ZNF473: variants seen among roughly 807,000 people sequenced by gnomAD.
ZNF473 encodes zinc finger protein 473.
Under a neutral mutation model 11.1 loss-of-function variants are expected in ZNF473, and 4 were observed. The observed-to-expected ratio is 0.36, with a 90% CI of 0.18 to 0.82. The LOEUF is 0.82. Ranked by LOEUF, ZNF473 falls within the 40% of genes least tolerant of loss-of-function variation. ZNF473 has a pLI of 0.49. For missense variants in ZNF473, 854 were observed against 1,084.0 expected (o/e 0.79, Z 2.98); for synonymous variants, 404 against 390.4 (o/e 1.03, Z -0.41).
At chr19:50,042,686 C>T (rs1446288202) in intron 4 of ZNF473, 1 of 152,222 alleles carries the variant, frequency 6.6e-6, no homozygotes, top group African/African-American at 2.4e-5. Flanking sequence ...TGCATAGTTA[C>T]CACATAAGCG....
At chr19:50,029,514 T>A (rs890061611) in intron 1 of ZNF473, among the ~76,000 whole-genome samples, 1 of 152,258 alleles carries the variant, frequency 6.6e-6, no homozygotes, top group Non-Finnish European at 1.5e-5. Flanking sequence ...AAAGTTGAAT[T>A]TCAAAGCACA....
At position 50,046,997 on chromosome 19, in the gene ZNF473, C is replaced by T. The variant is rs1031592392; in HGVS notation, c.2554C>T (p.Arg852Trp). ...GTGTCAACGTTGCCAGAAAGCCTTT[C>T]GGTGCCACTCGAGCCTCAGCCGCCA... ...YQCQRCQKAF[R>W]CHSSLSRHQR... is the part of the protein sequence containing the mutation. The change falls in exon 5 of 5, where the codon CGG (arginine) becomes TGG (tryptophan). Residue 852 changes from arginine (R) to tryptophan (W), a missense_variant. Physicochemically the swap from Arg to Trp is moderately radical, Grantham distance 101 (BLOSUM62 -3). Transcript: ENST00000270617. This position sits in a 1 kb window ranked among gnomAD's most constrained non-coding sequence, Gnocchi z 5.9. 1.8e-5 allele frequency: 29 copies of T among 1,613,796 alleles called. No homozygotes were observed. The highest frequency in any genetic ancestry group is 2.4e-5 in the Non-Finnish European group (28 of 1,180,032).
intron 1 of ZNF473, among the ~76,000 whole-genome samples, chr19:50,028,691 T>G (rs2077300921): frequency 6.6e-6 from 1 of 152,092 alleles, no homozygotes; most frequent in South Asian, 2.1e-4. Context: ...TGTTGCCAAA[T>G]CCTAGGATGT....
intron 2 of ZNF473, among the ~76,000 whole-genome samples, chr19:50,037,171 T>G (rs1337015891): frequency 1.3e-5 from 2 of 152,188 alleles, no homozygotes; most frequent in Non-Finnish European, 1.5e-5. Flanking sequence ...GCTCTTCCTG[T>G]GTGCTAAGTA....
chr19:50,046,175 A>T lies in ZNF473; in HGVS notation c.1732A>T (p.Thr578Ser). ...AACCTTTAGCTGCAGCAAATACCTA[A>T]CTCAGCACGAGAGGATTCACACCAG... is the stretch of plus-strand genomic sequence containing the variant. ...EKTFSCSKYL[T>S]QHERIHTRGV... is the part of the protein sequence containing the mutation. Residue 578 changes from threonine (T) to serine (S), a missense_variant, in exon 5 of 5, where the codon ACT becomes TCT. Thr to Ser is a moderately conservative substitution (Grantham distance 58). Transcript: ENST00000270617. This position sits in a 1 kb window ranked among gnomAD's most constrained non-coding sequence, Gnocchi z 5.9. 6.2e-7 allele frequency: 1 copy of T among 1,614,086 alleles called. No individual in the cohort carries two copies. The highest frequency in any genetic ancestry group is 1.1e-5 in the South Asian group (1 of 91,082).
chr19:50,028,459 A>C (rs1285003959), intron 1 of ZNF473, among the ~76,000 whole-genome samples: 5 of 151,784 alleles, frequency 3.3e-5, no homozygotes, highest in Non-Finnish European at 7.4e-5. Flanking sequence ...CTCCTACCTC[A>C]GTCTCCCAAG....
In ZNF473 at chr19:50,031,027, G is replaced by T; in HGVS notation, c.-56G>T. Reference sequence around the variant, plus strand: ...TGCTTCCCACAGCCCTGCCAGCCGGGAACACGGAGGGGAAGGAGGAGGAGC... The same window carrying T: ...TGCTTCCCACAGCCCTGCCAGCCGGTAACACGGAGGGGAAGGAGGAGGAGC... On this transcript the variant is annotated 5_prime_UTR_variant, in exon 2 of 5. The change creates a premature stop within an existing upstream ORF in the 5' untranslated region. Transcript: ENST00000270617. 1 of 1,555,642 alleles carries T rather than the reference G, an allele frequency of 6.4e-7. No homozygotes were observed.
Position 50,041,638 on chromosome 19 carries a change from T to C in ZNF473, c.137-92T>C, listed in dbSNP as rs565133592. On this transcript the variant is annotated intron_variant, in intron 3 of 4. Transcript: ENST00000270617. ...CAGGAGCCACGTGCAGGATAAAGCA[T>C]AGAAAAGTCAGGAGAGCCAGGAGGT... The C allele has an allele frequency of 1.6e-4, 185 of 1,145,338 alleles. No individual in the cohort carries two copies. The African/African-American group carries it at 2.6e-3, about 16-fold the overall frequency. The allele number at this position is 1,145,338 out of a possible 1,614,324, so 70.9% of individuals were successfully genotyped here.
chr19:50,034,413 T>G (rs925939159), intron 2 of ZNF473, among the ~76,000 whole-genome samples: 14 of 152,224 alleles, frequency 9.2e-5, no homozygotes, highest in African/African-American at 3.1e-4. Flanking sequence ...AAAAAAGTTT[T>G]TTTATTGTAA....
intron 2 of ZNF473, among the ~76,000 whole-genome samples, chr19:50,036,354 C>A (rs1600754942): frequency 7.9e-6 from 1 of 127,250 alleles, no homozygotes; most frequent in Admixed American, 8.4e-5. Flanking sequence ...CACTCTGTCA[C>A]CCAGGCTGGA....
chr19:50,043,423 C>A (rs1285811116), intron 4 of ZNF473: 2 of 121,496 alleles, frequency 1.6e-5, no homozygotes, highest in Non-Finnish European at 3.3e-5. Flanking sequence ...CAGGGCAAGA[C>A]TCAGTCTCCA....
chr19:50,028,297 CAAA>C (rs770803175), intron 1 of ZNF473, among the ~76,000 whole-genome samples: 2 of 72,942 alleles, frequency 2.7e-5, no homozygotes, highest in African/African-American at 1.0e-4. Flanking sequence ...GACTCCGTCT[CAAA>C]AAAAAAAAAA....
In ZNF473 at chr19:50,039,693, A is replaced by G. The variant is rs563473937; in HGVS notation, c.136+406A>G. On this transcript the variant is annotated intron_variant, in intron 3 of 4. Coordinates refer to ENST00000270617, the MANE Select transcript of ZNF473 (RefSeq NM_015428.4). The surrounding 1 kb of genome is among the most constrained non-coding windows in gnomAD (Gnocchi z 4.8). ...CAGTCATTCTTCAAGCTGATACTTCAAAGTCTTCCAGTTGCCCTCCCCTCT... is the reference window on the plus strand; with the variant it reads ...CAGTCATTCTTCAAGCTGATACTTCGAAGTCTTCCAGTTGCCCTCCCCTCT... Among the ~76,000 whole-genome samples the G allele has an allele frequency of 2.6e-5, 4 of 152,346 alleles. No individual in the cohort carries two copies. The East Asian group carries it at 7.7e-4, about 29-fold the overall frequency.
Position 50,031,074 on chromosome 19 carries a change from C to T in ZNF473, c.-9C>T. 6.4e-7 allele frequency: 1 copy of T among 1,566,934 alleles called. No individual in the cohort carries two copies. Among genetic ancestry groups the T allele is most frequent in the Non-Finnish European group, 8.7e-7 (1 of 1,155,222 alleles). The stretch of plus-strand genomic sequence containing the variant: ...GAGCTTAAAAGAGGCTACTGAACCC[C>T]AGTTGGCCATGGCTGAGGTGAGTTG... On this transcript the variant is annotated 5_prime_UTR_variant, in exon 2 of 5. Coordinates refer to ENST00000270617, the MANE Select transcript of ZNF473 (RefSeq NM_015428.4).
chr19:50,035,639 T>C (rs1023996367), intron 2 of ZNF473, among the ~76,000 whole-genome samples: 10 of 152,148 alleles, frequency 6.6e-5, no homozygotes, highest in Non-Finnish European at 1.3e-4. Context: ...TTGGTCATCA[T>C]TGGACAGATA....
intron 4 of ZNF473, among the ~76,000 whole-genome samples, chr19:50,043,845 G>C (rs1342944730): frequency 6.7e-6 from 1 of 149,618 alleles, no homozygotes; most frequent in Non-Finnish European, 1.5e-5. Context: ...TTCAGAGAAG[G>C]GTGATAAGCT....
intron 3 of ZNF473, chr19:50,041,197 A>C (rs1978749552): frequency 6.6e-6 from 1 of 152,020 alleles, no homozygotes. Flanking sequence ...GTATTGCTTG[A>C]CTCATGGCTT....
At chr19:50,040,157 C>A (rs1302463703) in intron 3 of ZNF473, among the ~76,000 whole-genome samples, 1 of 152,164 alleles carries the variant, frequency 6.6e-6, no homozygotes, top group Non-Finnish European at 1.5e-5. Context: ...CTATGACTTA[C>A]TACAGTGAAA....
rs769052166 is a variant in ZNF473 at position 50,039,820 on chromosome 19, G to A, written c.136+533G>A. On this transcript the variant is annotated intron_variant, in intron 3 of 4. Transcript: ENST00000270617. The surrounding 1 kb of genome is among the most constrained non-coding windows in gnomAD (Gnocchi z 4.8). ...CTCATCTTGTCTGTCGCTCCCTCAC[G>A]TTCTAACTACCATTGTATCATTCAG... Among the ~76,000 whole-genome samples the A allele has an allele frequency of 1.3e-5, 2 of 152,170 alleles. No individual in the cohort carries two copies. The highest frequency in any genetic ancestry group is 2.9e-5 in the Non-Finnish European group (2 of 68,042).
Sources: gnomAD v4.1 joint callset for allele counts (sites outside exome capture counted in the v4.1 genomes callset) on GRCh38, gnomAD v4.1.1 for gene constraint, Gnocchi (gnomAD v3.1) non-coding constraint, MANE v1.5 for transcripts, NCBI Gene and HGNC (gene_info 2026-07-23, HGNC 2026-07-21) for gene names.